NOP2: variants seen among roughly 807,000 people sequenced by gnomAD.
NOP2 encodes NOP2 nucleolar protein.
A neutral mutation model predicts 72.7 loss-of-function variants in NOP2; 7 were observed. The ratio of observed to expected loss-of-function variants is 0.10; its 90% CI spans 0.05 to 0.18. NOP2 has a LOEUF of 0.18. Ranked by LOEUF, NOP2 falls within the 10% of genes least tolerant of loss-of-function variation. The pLI is 1.00. For synonymous variants in NOP2, 387 were observed against 388.0 expected, an observed-to-expected ratio of 1.00 and a Z score of 0.03; for missense variants, 954 against 1,014.7, an observed-to-expected ratio of 0.94 and a Z score of 0.81.
In NOP2 at chr12:6,556,933, G is replaced by C; in HGVS notation, c.*60C>G. ...GCACAGTAGAGAAGGCATCCTCACA[G>C]AGGCAAGAGTTCCAACCTGGTGACA... On this transcript the variant is annotated 3_prime_UTR_variant, in exon 16 of 16. Transcript: ENST00000322166. 1.9e-6 allele frequency: 3 copies of C among 1,587,316 alleles called. No individual in the cohort carries two copies. The highest frequency in any genetic ancestry group is 1.7e-4 in the Middle Eastern group (1 of 5,966).
At position 6,563,695 on chromosome 12, in the gene NOP2, C is replaced by T. The variant is rs1420948419; in HGVS notation, c.607G>A (p.Val203Met). ...TGCAGGCCCCCATCTGCCTCTTCCA[C>T]CTTTGGGGGGCCTGACTCAGGGGTC... The part of the protein sequence containing the change: ...EVTPESGPPK[V>M]EEADGGLQIN... The change falls in exon 7 of 16, where the codon GTG (valine) becomes ATG (methionine). Residue 203 changes from valine (V) to methionine (M), a missense_variant. This residue lies in a region of NOP2 where 498 missense variants were observed against 478.3 expected (regional missense o/e 1.04). Transcript: ENST00000322166. The T allele has an allele frequency of 1.2e-6, 2 of 1,613,766 alleles. No homozygotes were observed. The highest frequency in any genetic ancestry group is 2.2e-5 in the East Asian group (1 of 44,878).
Position 6,560,813 on chromosome 12 carries a change from T to TA in NOP2, c.1348-27dup, listed in dbSNP as rs768648638. On this transcript the variant is annotated intron_variant, in intron 12 of 15. Transcript: ENST00000322166. This position sits in a 1 kb window ranked among gnomAD's most constrained non-coding sequence, Gnocchi z 5.0. ...CTGGAGAAAAGATACAGATGAATCATATGTCTCTTCTGCAACCAGCAGGGC... is the reference window on the plus strand; with the variant it reads ...CTGGAGAAAAGATACAGATGAATCATAATGTCTCTTCTGCAACCAGCAGGGC... 1 of 1,610,244 alleles carries TA rather than the reference T, an allele frequency of 6.2e-7. No individual in the cohort carries two copies. Among genetic ancestry groups the TA allele is most frequent in the African/African-American group, 1.3e-5 (1 of 74,878 alleles).
intron 15 of NOP2, 96 bp from the exon 16 acceptor site, chr12:6,557,738 G>A (rs1282472304): frequency 1.5e-6 from 2 of 1,310,810 alleles, no homozygotes; most frequent in African/African-American, 1.5e-5. Context: ...CATTTCCTGG[G>A]CAGGAGCTCC....
chr12:6,563,581 C>T (rs1423183010), intron 7 of NOP2, 33 bp downstream of exon 7: 2 of 1,608,522 alleles, frequency 1.2e-6, no homozygotes, highest in Non-Finnish European at 1.7e-6. Flanking sequence ...AACCACCTTC[C>T]TCCTAACTCT....
intron 5 of NOP2, among the ~76,000 whole-genome samples, chr12:6,564,585 G>T (rs1947731647): frequency 6.6e-6 from 1 of 151,826 alleles, no homozygotes; most frequent in Admixed American, 6.6e-5. Context: ...GCACCACCAT[G>T]CCCAGCTAAT....
rs200895960 is a variant in NOP2 at position 6,561,024 on chromosome 12, A to G, written c.1254T>C (p.Asn418=). Residue 418 remains asparagine (N), a synonymous_variant, in exon 12 of 16, where the codon AAT becomes AAC. Transcript: ENST00000322166. ...CCACAACACTCTTGAGCCGCTCAGC[A>G]TTGGCGTCATTGGCAAGGATCACAC... is the stretch of plus-strand genomic sequence containing the variant. ...NTGVILANDA[N]AERLKSVVGN... 3.7e-4 allele frequency: 600 copies of G among 1,613,990 alleles called. 8 individuals are homozygous for G. The South Asian group carries it at 5.9e-3, about 16-fold the overall frequency.
intron 5 of NOP2, among the ~76,000 whole-genome samples, chr12:6,565,254 A>T (rs1471034843): frequency 1.3e-5 from 2 of 150,764 alleles, no homozygotes; most frequent in Non-Finnish European, 2.9e-5. Context: ...CCCAAGCTCC[A>T]GTCATCTTCC....
intron 15 of NOP2, chr12:6,557,969 C>A (rs1423929302): frequency 8.5e-6 from 3 of 353,758 alleles, no homozygotes; most frequent in African/African-American, 6.5e-5. Flanking sequence ...ATGGTGAAAC[C>A]ATCTCTACTA....
chr12:6,563,376 A>G lies in NOP2; in HGVS notation c.827T>C (p.Ile276Thr). Residue 276 changes from isoleucine (I) to threonine (T), a missense_variant, in exon 8 of 16, where the codon ATT becomes ACT. Ile to Thr is a moderately conservative substitution (Grantham distance 89). Transcript: ENST00000322166. ...YLNRLKKDLAIYYSYGDFLLG... is the reference protein window; with the variant it reads ...YLNRLKKDLATYYSYGDFLLG... ...CAGGAAGTCTCCATAGGAGTAGTAAATGGCCAGATCCTTCTTGAGCCGGTT... is the reference window on the plus strand; with the variant it reads ...CAGGAAGTCTCCATAGGAGTAGTAAGTGGCCAGATCCTTCTTGAGCCGGTT... 6.2e-7 allele frequency: 1 copy of G among 1,604,946 alleles called. No individual in the cohort carries two copies. Among genetic ancestry groups the G allele is most frequent in the Non-Finnish European group, 8.5e-7 (1 of 1,175,742 alleles).
chr12:6,564,575 G>A (rs1235206937), intron 5 of NOP2, among the ~76,000 whole-genome samples: 6 of 151,578 alleles, frequency 4.0e-5, no homozygotes, highest in East Asian at 2.0e-4. Flanking sequence ...TTATAGGCGC[G>A]CACCACCATG....
rs1158642701 is a variant in NOP2, at chr12:6,557,644, T to C, written c.1790-2A>G. ...TAGGTGTGGCTGTTTCAGAATTTCCTGGGGTTAAAATTAAACAGATGGTGT... is the reference window on the plus strand; with the variant it reads ...TAGGTGTGGCTGTTTCAGAATTTCCCGGGGTTAAAATTAAACAGATGGTGT... On this transcript the variant is annotated splice_acceptor_variant, in intron 15 of 15. Transcript: ENST00000322166. LOFTEE classifies it high-confidence loss of function. 1 of 1,605,512 alleles carries C rather than the reference T, an allele frequency of 6.2e-7. No homozygotes were observed. The highest frequency in any genetic ancestry group is 8.5e-7 in the Non-Finnish European group (1 of 1,176,134).
Position 6,566,615 on chromosome 12 carries a change from G to A in NOP2, c.152C>T (p.Ala51Val). 1 of 1,613,732 alleles carries A rather than the reference G, an allele frequency of 6.2e-7. No individual in the cohort carries two copies. Reference sequence around the variant, plus strand: ...AACAGAGCCCAATCTCCTCTTGGCTGCCCTGAAAAGACACAAGAGATTCAA... The same window carrying A: ...AACAGAGCCCAATCTCCTCTTGGCTACCCTGAAAAGACACAAGAGATTCAA... The part of the protein sequence containing the change: ...KRLSSRARKR[A>V]AKRRLGSVEA... The change falls in exon 4 of 16, where the codon GCA becomes GTA. Residue 51 changes from alanine to valine, a missense_variant and splice_region_variant. By Grantham distance (64) the Ala-to-Val change is moderately conservative. Around this residue, in one of 3 missense-constraint regions of NOP2, gnomAD observed 498 missense variants for 478.3 expected, o/e 1.04. Coordinates refer to ENST00000322166, the MANE Select transcript of NOP2 (RefSeq NM_001258308.2).
chr12:6,560,632 A>T lies in NOP2; in HGVS notation c.1438-63T>A. The T allele has an allele frequency of 6.2e-7, 1 of 1,609,428 alleles. No individual in the cohort carries two copies. The highest frequency in any genetic ancestry group is 8.5e-7 in the Non-Finnish European group (1 of 1,176,584). ...AGAGGGGAGCCCAGAGGGTGTCCCC[A>T]TCTCAGTTTCCAGCTCTACGAGACC... On this transcript the variant is annotated intron_variant, in intron 13 of 15. Coordinates refer to ENST00000322166, the MANE Select transcript of NOP2 (RefSeq NM_001258308.2). This position sits in a 1 kb window ranked among gnomAD's most constrained non-coding sequence, Gnocchi z 5.0.
At chr12:6,564,608 T>C (rs1274641603) in intron 5 of NOP2, among the ~76,000 whole-genome samples, 1 of 152,048 alleles carries the variant, frequency 6.6e-6, no homozygotes, top group East Asian at 1.9e-4. Flanking sequence ...TTTGTATTTT[T>C]AGCAGAGATG....
intron 11 of NOP2, 83 bp downstream of exon 11, chr12:6,561,581 A>G: frequency 1.3e-6 from 2 of 1,545,920 alleles, no homozygotes; most frequent in Non-Finnish European, 1.8e-6. Context: ...CATGAGCACT[A>G]GTGAGTCAGC....
rs1210033141 is a variant in NOP2, at chr12:6,566,161, A to G, written c.414T>C (p.Ala138=). The G allele has an allele frequency of 6.2e-7, 1 of 1,613,868 alleles. No individual in the cohort carries two copies. Among genetic ancestry groups the G allele is most frequent in the Admixed American group, 1.7e-5 (1 of 59,998 alleles). The change falls in exon 5 of 16, where the codon GCT becomes GCC. Residue 138 remains alanine (A), a synonymous_variant. Transcript: ENST00000322166. ...CAGCTCCATAGTCATCTACCGTATC[A>G]GCATCGTCCTCGGAGCCCCAGAGGT... ...HGDLWGSEDD[A]DTVDDYGADS... is the part of the protein sequence containing the mutation.
chr12:6,565,761 CA>C (rs1338141603), intron 5 of NOP2, among the ~76,000 whole-genome samples: 1 of 152,206 alleles, frequency 6.6e-6, no homozygotes, highest in Non-Finnish European at 1.5e-5. Flanking sequence ...AGATGTGAGG[CA>C]CCATACCCAG....
intron 2 of NOP2, 108 bp downstream of exon 2, chr12:6,567,708 A>G (rs1947817781): frequency 1.2e-6 from 1 of 844,570 alleles, no homozygotes; most frequent in Non-Finnish European, 1.9e-6. Flanking sequence ...ACTCATACAG[A>G]GAAGATTCCA....
intron 1 of NOP2, 108 bp from the exon 2 acceptor site, chr12:6,568,030 C>T: frequency 1.3e-6 from 1 of 771,524 alleles, no homozygotes; most frequent in South Asian, 1.6e-5. Flanking sequence ...CAACTCAGCA[C>T]CCGCAACTCA....
Sources: gnomAD v4.1 joint callset for allele counts (sites outside exome capture counted in the v4.1 genomes callset) on GRCh38, gnomAD v4.1.1 for gene constraint, gnomAD v4.1.1 regional missense constraint, Gnocchi (gnomAD v3.1) non-coding constraint, MANE v1.5 for transcripts, NCBI Gene and HGNC (gene_info 2026-07-23, HGNC 2026-07-21) for gene names.